Variants in MBTPS2 observed in about 807,000 individuals in gnomAD.
The protein encoded by MBTPS2 is membrane bound transcription factor peptidase, site 2, also known as membrane-bound transcription factor site-2 protease.
A neutral mutation model predicts 35.4 loss-of-function variants in MBTPS2; 2 were observed. The observed-to-expected ratio is 0.06, with a 90% CI of 0.02 to 0.18. The LOEUF (loss-of-function observed/expected upper bound fraction) is 0.18. Ranked by LOEUF, MBTPS2 falls within the 10% of genes least tolerant of loss-of-function variation. The pLI is 1.00. For synonymous variants in MBTPS2, 125 were observed against 140.4 expected (o/e 0.89, Z 0.77); for missense variants, 244 against 386.5 (o/e 0.63, Z 3.09).
At chrX:21,846,150 C>T (rs1246150079) in intron 3 of MBTPS2, among the ~76,000 whole-genome samples, 1 of 110,925 alleles carries the variant, frequency 9.0e-6, no homozygotes, top group Non-Finnish European at 1.9e-5. Context: ...AATAATCTCT[C>T]CTATGGCCAT....
At chrX:21,857,276 G>A in intron 5 of MBTPS2, 1 of 1,211,777 alleles carries the variant, frequency 8.3e-7, no homozygotes, top group Non-Finnish European at 1.1e-6. Context: ...GCGAAAAGAT[G>A]TTCCGGGATT....
intron 4 of MBTPS2, 112 bp downstream of exon 4, chrX:21,851,724 G>T: frequency 3.5e-6 from 2 of 567,320 alleles, no homozygotes; most frequent in Non-Finnish European, 6.2e-6. Flanking sequence ...TTCTTTCTGC[G>T]GCTATTGCCT....
Position 21,882,810 on chromosome X carries a change from A to T in MBTPS2, c.*155A>T. The T allele has an allele frequency of 8.9e-7, 1 of 1,121,832 alleles. No individual in the cohort carries two copies. The highest frequency in any genetic ancestry group is 2.8e-5 in the Admixed American group (1 of 35,814). The allele number at this position is 1,121,832 out of a possible 1,213,427, so 92.5% of individuals were successfully genotyped here. A position where few individuals can be genotyped will look rare whatever the true frequency, so the allele number is the denominator to read the frequency against. Reference sequence around the variant, plus strand: ...CCTGAGCTCCTCCCATATCCAGAGTACCCAAACTCTGTGGTAGAAGATAAG... The same window carrying T: ...CCTGAGCTCCTCCCATATCCAGAGTTCCCAAACTCTGTGGTAGAAGATAAG... On this transcript the variant is annotated 3_prime_UTR_variant, in exon 11 of 11. Coordinates refer to ENST00000379484, the MANE Select transcript of MBTPS2 (RefSeq NM_015884.4).
intron 7 of MBTPS2, among the ~76,000 whole-genome samples, chrX:21,875,623 G>A (rs755358948): frequency 8.9e-6 from 1 of 112,168 alleles, no homozygotes; most frequent in East Asian, 2.8e-4. Context: ...AGGCAAATCG[G>A]GTATAACATC....
chrX:21,839,771 G>A lies in MBTPS2; in HGVS notation c.37G>A (p.Gly13Ser), dbSNP rs1416858489. The A allele has an allele frequency of 8.4e-7, 1 of 1,195,877 alleles. No homozygotes were observed. The highest frequency in any genetic ancestry group is 3.0e-5 in the East Asian group (1 of 33,223). Residue 13 changes from glycine (G) to serine (S), a missense_variant, in exon 1 of 11, where the codon GGC becomes AGC. By Grantham distance (56) the Gly-to-Ser change is moderately conservative. Coordinates refer to ENST00000379484, the MANE Select transcript of MBTPS2 (RefSeq NM_015884.4). ...GTCGCTGGTGGTGGTGGTGGTGGGTGGCTGGACTGTCGTCTACCTGACCGA... is the reference window on the plus strand; with the variant it reads ...GTCGCTGGTGGTGGTGGTGGTGGGTAGCTGGACTGTCGTCTACCTGACCGA... Reference protein sequence around the residue: ...PVSLVVVVVGGWTVVYLTDLV... With the variant: ...PVSLVVVVVGSWTVVYLTDLV...
chrX:21,846,208 G>T (rs2092908500), intron 3 of MBTPS2, among the ~76,000 whole-genome samples: 1 of 111,259 alleles, frequency 9.0e-6, no homozygotes, highest in Non-Finnish European at 1.9e-5. Context: ...GGCCTCAGAA[G>T]AAATTATTTC....
intron 5 of MBTPS2, among the ~76,000 whole-genome samples, chrX:21,861,567 T>G (rs1449929496): frequency 2.7e-5 from 3 of 110,829 alleles, no homozygotes; most frequent in Non-Finnish European, 3.8e-5. Context: ...AAATAGGGTG[T>G]GATGGCTCAC....
chrX:21,884,224 G>A lies in MBTPS2; in HGVS notation c.*1569G>A, dbSNP rs781450065. 4.1e-5 allele frequency: 29 copies of A among 706,734 alleles called. No individual in the cohort carries two copies. The highest frequency in any genetic ancestry group is 8.9e-5 in the Admixed American group (1 of 11,271). The allele number at this position is 706,734 out of a possible 1,213,427, so 58.2% of individuals were successfully genotyped here. The stretch of plus-strand genomic sequence containing the variant: ...GTTAATACCAGTACTAAAACCATAC[G>A]AATTATTGGTTTATTCCAGAAAATA... On this transcript the variant is annotated 3_prime_UTR_variant, in exon 11 of 11. Transcript: ENST00000379484.
chrX:21,885,256 A>G lies in MBTPS2; in HGVS notation c.*2601A>G, dbSNP rs1418328254. On this transcript the variant is annotated 3_prime_UTR_variant, in exon 11 of 11. Transcript: ENST00000379484. Reference sequence around the variant, plus strand: ...TGGCTCTCAGTCATCACTTTGTCCTATGGTATTTATTGAATGTTCACATAC... The same window carrying G: ...TGGCTCTCAGTCATCACTTTGTCCTGTGGTATTTATTGAATGTTCACATAC... 8 of 749,222 alleles carry G rather than the reference A, an allele frequency of 1.1e-5. No homozygotes were observed. The highest frequency in any genetic ancestry group is 6.9e-5 in the South Asian group (1 of 14,555). 61.7% of individuals were successfully genotyped at this position (749,222 alleles called of 1,213,427 possible).
chrX:21,860,466 A>G (rs1333014123), intron 5 of MBTPS2, among the ~76,000 whole-genome samples: 2 of 112,415 alleles, frequency 1.8e-5, no homozygotes, highest in African/African-American at 6.5e-5. Flanking sequence ...CCTGCTGTAG[A>G]AAAAGTAAAA....
chrX:21,870,130 G>A (rs761948312), intron 7 of MBTPS2: 2 of 109,637 alleles, frequency 1.8e-5, no homozygotes, highest in Admixed American at 9.8e-5. Context: ...GATTTCAGCT[G>A]CTCGGGAGTC....
chrX:21,843,385 A>C (rs756129557), intron 2 of MBTPS2, 67 bp downstream of exon 2: 17 of 1,053,829 alleles, frequency 1.6e-5, no homozygotes, highest in Non-Finnish European at 2.1e-5. Flanking sequence ...CAGCTTGTTA[A>C]ATTAACTATT....
At chrX:21,853,103 C>T (rs1323616596) in intron 4 of MBTPS2, among the ~76,000 whole-genome samples, 1 of 110,991 alleles carries the variant, frequency 9.0e-6, no homozygotes, top group African/African-American at 3.3e-5. Context: ...CAATTATTTG[C>T]TCAACATATT....
chrX:21,851,332 G>A (rs946392500), intron 3 of MBTPS2, among the ~76,000 whole-genome samples, 177 bp from the exon 4 acceptor site: 3 of 111,919 alleles, frequency 2.7e-5, no homozygotes, highest in African/African-American at 6.5e-5. Context: ...ATGAAATAGC[G>A]TTTTTGCTTT....
At chrX:21,848,541 G>T (rs957984330) in intron 3 of MBTPS2, among the ~76,000 whole-genome samples, 2 of 109,367 alleles carry the variant, frequency 1.8e-5, no homozygotes, top group East Asian at 5.7e-4. Context: ...TTAGCCGGGC[G>T]TGGTGGCGGA....
intron 5 of MBTPS2, among the ~76,000 whole-genome samples, chrX:21,865,132 C>A (rs1398459463): frequency 9.3e-6 from 1 of 107,443 alleles, no homozygotes; most frequent in Non-Finnish European, 1.9e-5. Context: ...GATACAACCA[C>A]CTCGGCCTCC....
At chrX:21,851,724 G>A (rs1465772508) in intron 4 of MBTPS2, 112 bp downstream of exon 4, 6 of 565,771 alleles carry the variant, frequency 1.1e-5, no homozygotes, top group South Asian at 7.2e-5. Context: ...TTCTTTCTGC[G>A]GCTATTGCCT....
Position 21,871,105 on chromosome X carries a change from T to C in MBTPS2, c.970+1427T>C, listed in dbSNP as rs1052347646. 2.4e-5 allele frequency: 3 copies of C among 124,868 alleles called. No homozygotes were observed. The Admixed American group carries it at 2.7e-4, about 11-fold the overall frequency. 10.3% of individuals were successfully genotyped at this position (124,868 alleles called of 1,213,427 possible). On this transcript the variant is annotated intron_variant, in intron 7 of 10. Transcript: ENST00000379484. ...AAGAATTTTTTTATTATCAAAAATG[T>C]TTAGACACGATGGAGAATATATTTC... is the stretch of plus-strand genomic sequence containing the variant.
intron 5 of MBTPS2, chrX:21,857,064 A>C: frequency 3.3e-6 from 4 of 1,211,734 alleles, no homozygotes; most frequent in Non-Finnish European, 4.5e-6. Flanking sequence ...TAACGATAAC[A>C]ATGACCAAGG....
Sources: allele counts gnomAD v4.1 joint callset (sites outside exome capture counted in the v4.1 genomes callset), GRCh38; gene constraint gnomAD v4.1.1; transcripts MANE v1.5; gene names NCBI Gene and HGNC (gene_info 2026-07-23, HGNC 2026-07-21).